Variants in KCNIP1 observed in about 807,000 individuals in gnomAD.
KCNIP1 encodes the protein potassium voltage-gated channel interacting protein 1, also known as A-type potassium channel modulatory protein KCNIP1.
Under a neutral mutation model 33.0 loss-of-function variants are expected in KCNIP1, and 18 were observed. The ratio of observed to expected loss-of-function variants is 0.55; its 90% CI spans 0.38 to 0.81. The LOEUF is 0.81. KCNIP1 is among the 30% of genes least tolerant of loss of function. The probability of loss-of-function intolerance (pLI) is 0.00; values close to 1 mark genes in which losing one functional copy is unlikely to be tolerated. For synonymous variants in KCNIP1, 93 were observed against 98.3 expected (o/e 0.95, Z 0.32); for missense variants, 238 against 271.6 (o/e 0.88, Z 0.87).
At chr5:170,430,114 C>T (rs902210918) in intron 1 of KCNIP1, among the ~76,000 whole-genome samples, 18 of 152,194 alleles carry the variant, frequency 1.2e-4, no homozygotes, top group Admixed American at 3.3e-4. Context: ...GATACTTCAG[C>T]GACCCTGCTC....
intron 1 of KCNIP1, among the ~76,000 whole-genome samples, chr5:170,399,104 G>T (rs1754831711): frequency 6.6e-6 from 1 of 152,236 alleles, no homozygotes; most frequent in Admixed American, 6.5e-5. Context: ...CACTTGGAAT[G>T]TGTAGATGTG....
intron 1 of KCNIP1, among the ~76,000 whole-genome samples, chr5:170,513,448 C>T (rs1581258910): frequency 1.3e-5 from 2 of 152,166 alleles, no homozygotes; most frequent in Admixed American, 6.5e-5. Flanking sequence ...TTTTTAACAA[C>T]AAAGAAGTGC....
At chr5:170,474,347 G>A (rs1756802758) in intron 1 of KCNIP1, among the ~76,000 whole-genome samples, 1 of 151,992 alleles carries the variant, frequency 6.6e-6, no homozygotes, top group South Asian at 2.1e-4. Flanking sequence ...TCAATCATCT[G>A]GCCCTACTTT....
At chr5:170,497,904 G>C (rs568934255) in intron 1 of KCNIP1, among the ~76,000 whole-genome samples, 1 of 152,370 alleles carries the variant, frequency 6.6e-6, no homozygotes, top group South Asian at 2.1e-4. Flanking sequence ...CAGCGCAGAA[G>C]CGTGCAGGGG....
intron 1 of KCNIP1, chr5:170,374,801 C>G (rs542685480): frequency 6.6e-6 from 1 of 152,164 alleles, no homozygotes; most frequent in African/African-American, 2.4e-5. Context: ...ATGCTTATCC[C>G]GTGCATAAAG....
chr5:170,628,179 C>T (rs892356734), intron 1 of KCNIP1, among the ~76,000 whole-genome samples: 2 of 152,158 alleles, frequency 1.3e-5, no homozygotes, highest in Admixed American at 1.3e-4. Context: ...ACTATTGGGC[C>T]TAGCAACTTC....
chr5:170,655,357 C>G (rs1161616228), intron 1 of KCNIP1, among the ~76,000 whole-genome samples: 1 of 152,164 alleles, frequency 6.6e-6, no homozygotes, highest in South Asian at 2.1e-4. Flanking sequence ...CTAGAGGAGG[C>G]ACGTGGAAGC....
At chr5:170,491,283 A>AGAAT (rs919857929) in intron 1 of KCNIP1, among the ~76,000 whole-genome samples, 4 of 152,272 alleles carry the variant, frequency 2.6e-5, no homozygotes, top group African/African-American at 7.2e-5. Context: ...GAATGAATGA[A>AGAAT]GAATGAATGA....
At chr5:170,434,511 C>T (rs1307753563) in intron 1 of KCNIP1, among the ~76,000 whole-genome samples, 1 of 152,138 alleles carries the variant, frequency 6.6e-6, no homozygotes, top group Non-Finnish European at 1.5e-5. Flanking sequence ...TAAGAGCACT[C>T]AGGTTGGAGG....
At chr5:170,457,030 G>C (rs1561634744) in intron 1 of KCNIP1, among the ~76,000 whole-genome samples, 1 of 152,022 alleles carries the variant, frequency 6.6e-6, no homozygotes, top group Non-Finnish European at 1.5e-5. Flanking sequence ...ATGAGCAAAA[G>C]TGACAAGCTT....
intron 1 of KCNIP1, among the ~76,000 whole-genome samples, chr5:170,655,702 T>C (rs1005091267): frequency 1.2e-4 from 18 of 152,152 alleles, no homozygotes; most frequent in Non-Finnish European, 2.1e-4. Flanking sequence ...CATAACCCTG[T>C]TTCCACTCCA....
intron 1 of KCNIP1, among the ~76,000 whole-genome samples, chr5:170,696,226 A>T (rs930367749): frequency 3.3e-5 from 5 of 152,106 alleles, no homozygotes; most frequent in Admixed American, 6.5e-5. Flanking sequence ...TGCACTAAAG[A>T]TGATTTCTAA....
intron 1 of KCNIP1, among the ~76,000 whole-genome samples, chr5:170,672,336 T>C (rs1332226611): frequency 1.3e-5 from 2 of 152,218 alleles, no homozygotes; most frequent in East Asian, 3.9e-4. Flanking sequence ...ACCTGTGATA[T>C]GGAGAACTCC....
intron 1 of KCNIP1, chr5:170,712,763 C>A (rs1264099279): frequency 1.7e-6 from 2 of 1,203,070 alleles, no homozygotes; most frequent in African/African-American, 1.5e-5. Flanking sequence ...GACGTGGACA[C>A]CCTCAGAGCG....
intron 1 of KCNIP1, among the ~76,000 whole-genome samples, chr5:170,682,784 C>CTTTTTTTTTTTTTTTTTTTTTGTTTTT (rs1762398023): frequency 1.4e-5 from 1 of 71,402 alleles, no homozygotes; most frequent in Non-Finnish European, 2.4e-5. Flanking sequence ...TTCTTTGTTT[C>CTTTTTTTTTTTTTTTTTTTTTGTTTTT]TTTTTTTTTT....
chr5:170,614,759 C>T (rs1759302435), intron 1 of KCNIP1, among the ~76,000 whole-genome samples: 1 of 152,228 alleles, frequency 6.6e-6, no homozygotes, highest in African/African-American at 2.4e-5. Flanking sequence ...TCCCATCCAC[C>T]TTCAGCTGGA....
At chr5:170,710,646 T>A (rs1763412185) in intron 1 of KCNIP1, among the ~76,000 whole-genome samples, 4 of 152,244 alleles carry the variant, frequency 2.6e-5, no homozygotes. Context: ...GCAGGCTGCC[T>A]TGGTAGCTCT....
chr5:170,525,109 C>G (rs142363407), intron 1 of KCNIP1, among the ~76,000 whole-genome samples: 1 of 152,210 alleles, frequency 6.6e-6, no homozygotes, highest in African/African-American at 2.4e-5. Flanking sequence ...TTACTGGGTG[C>G]CTGCTCTGAG....
At chr5:170,546,805 A>G (rs1462341643) in intron 1 of KCNIP1, among the ~76,000 whole-genome samples, 1 of 152,162 alleles carries the variant, frequency 6.6e-6, no homozygotes, top group Non-Finnish European at 1.5e-5. Flanking sequence ...TATTATTAAT[A>G]TATACAGCAA....
Sources: allele counts gnomAD v4.1 joint callset (sites outside exome capture counted in the v4.1 genomes callset), GRCh38; gene constraint gnomAD v4.1.1; transcripts MANE v1.5; gene names NCBI Gene and HGNC (gene_info 2026-07-23, HGNC 2026-07-21).